The following CFAP54 variants were observed in gnomAD, a reference collection of about 807,000 sequenced individuals.
CFAP54 encodes cilia- and flagella-associated protein 54.
CFAP54 carries 290 observed loss-of-function variants against 370.4 expected under a neutral mutation model. The observed-to-expected ratio is 0.78, with a 90% CI of 0.71 to 0.86. The LOEUF (loss-of-function observed/expected upper bound fraction) is 0.86. Ranked by LOEUF, CFAP54 falls within the 40% of genes least tolerant of loss-of-function variation. The pLI is 0.00. For missense variants in CFAP54, 3,399 were observed against 3,528.7 expected, an observed-to-expected ratio of 0.96 and a Z score of 0.93; for synonymous variants, 1,206 against 1,236.5, an observed-to-expected ratio of 0.98 and a Z score of 0.52.
intron 38 of CFAP54, among the ~76,000 whole-genome samples, chr12:96,662,451 T>G (rs949473919): frequency 6.6e-6 from 1 of 152,128 alleles, no homozygotes; most frequent in African/African-American, 2.4e-5. Flanking sequence ...GTGATCCACC[T>G]GCCTTGGCCT....
intron 51 of CFAP54, 82 bp from the exon 52 acceptor site, chr12:96,742,357 T>G (rs922711948): frequency 2.9e-6 from 3 of 1,037,696 alleles, no homozygotes; most frequent in African/African-American, 3.3e-5. Context: ...AGATGCCTTT[T>G]AAACTTACAT....
chr12:96,720,938 T>G (rs1283180895), intron 50 of CFAP54, among the ~76,000 whole-genome samples: 2 of 151,864 alleles, frequency 1.3e-5, no homozygotes, highest in Non-Finnish European at 2.9e-5. Flanking sequence ...GAGAATCACT[T>G]GAGCCCGGGA....
intron 17 of CFAP54, chr12:96,555,083 T>G (rs1955738272): frequency 4.8e-6 from 1 of 209,694 alleles, no homozygotes; most frequent in Non-Finnish European, 9.5e-6. Flanking sequence ...AAGCAAACAT[T>G]TACTGAGTAC....
intron 50 of CFAP54, among the ~76,000 whole-genome samples, chr12:96,732,120 G>GTA (rs1178931809): frequency 1.3e-5 from 2 of 152,012 alleles, no homozygotes; most frequent in African/African-American, 4.8e-5. Flanking sequence ...TTGTGTGTGT[G>GTA]TGTGTGTGTG....
At chr12:96,762,571 G>C (rs42303) in intron 58 of CFAP54, among the ~76,000 whole-genome samples, 139,064 of 152,264 alleles carry the variant, frequency 0.91, 63,754 homozygotes, top group African/African-American at 0.98. Context: ...CCTTTCCATT[G>C]GAGTTGACTT....
intron 67 of CFAP54, among the ~76,000 whole-genome samples, chr12:96,862,397 T>G (rs947472495): frequency 6.6e-6 from 1 of 152,080 alleles, no homozygotes; most frequent in African/African-American, 2.4e-5. Flanking sequence ...AAACAAACTG[T>G]AAGGAGGAAC....
In CFAP54 at chr12:96,827,730, T is replaced by TTAATATAATTATATATAATTATATA. The variant is rs1459053073; in HGVS notation, c.9097-1265_9097-1264insTATATATAATATAATTATATATAAT. ...TATATATAATTATATATAATTATAT[T>TTAATATAATTATATATAATTATATA]TAATATAATTATATATAATACATAG... On this transcript the variant is annotated intron_variant, in intron 65 of 67. Transcript: ENST00000524981. 1.3e-3 allele frequency among the ~76,000 whole-genome samples: 159 copies of TTAATATAATTATATATAATTATATA among 119,836 alleles called. 2 individuals carry two copies. Among genetic ancestry groups the TTAATATAATTATATATAATTATATA allele is most frequent in the East Asian group, 2.7e-3 (12 of 4,368 alleles). 78.6% of individuals were successfully genotyped at this position (119,836 alleles called of 152,430 possible). A position where few individuals can be genotyped will look rare whatever the true frequency, so the allele number is the denominator to read the frequency against.
chr12:96,825,455 A>G (rs1330373033), intron 65 of CFAP54, among the ~76,000 whole-genome samples: 1 of 116,450 alleles, frequency 8.6e-6, no homozygotes, highest in Non-Finnish European at 1.6e-5. Flanking sequence ...TATATTATAT[A>G]TAATATAATA....
rs1373042149 is a variant in CFAP54 at position 96,817,811 on chromosome 12, T to C, written c.8994T>C (p.Ala2998=). The C allele has an allele frequency of 6.6e-7, 1 of 1,505,910 alleles. No homozygotes were observed. The highest frequency in any genetic ancestry group is 2.1e-5 in the Admixed American group (1 of 47,040). The allele number at this position is 1,505,910 out of a possible 1,614,324, so 93.3% of individuals were successfully genotyped here. A position where few individuals can be genotyped will look rare whatever the true frequency, so the allele number is the denominator to read the frequency against. Residue 2998 remains alanine (A), a synonymous_variant, in exon 65 of 68, where the codon GCT becomes GCC. Coordinates refer to ENST00000524981, the MANE Select transcript of CFAP54 (RefSeq NM_001306084.2). ...IAIHEKLSNL[A]QIAELSLPAA... ...TTCATGAGAAATTATCTAATCTTGC[T>C]CAAATAGCTGAACTATCATTGCCAG...
At chr12:96,573,244 T>C (rs1955941896) in intron 19 of CFAP54, among the ~76,000 whole-genome samples, 1 of 152,226 alleles carries the variant, frequency 6.6e-6, no homozygotes, top group South Asian at 2.1e-4. Flanking sequence ...ACCTGAAATA[T>C]CTTGGTCTCT....
intron 22 of CFAP54, among the ~76,000 whole-genome samples, chr12:96,581,457 T>C (rs1328730718): frequency 2.0e-5 from 3 of 152,104 alleles, no homozygotes; most frequent in African/African-American, 7.2e-5. Context: ...TGTCAATGTC[T>C]AGAGAAATTT....
chr12:96,532,708 C>A (rs919086067), intron 9 of CFAP54, among the ~76,000 whole-genome samples: 2 of 152,056 alleles, frequency 1.3e-5, no homozygotes, highest in Non-Finnish European at 2.9e-5. Context: ...GTAACCTGGA[C>A]CTCCTGGGCT....
chr12:96,691,207 G>C lies in CFAP54; in HGVS notation c.6161G>C (p.Gly2054Ala). Residue 2054 changes from glycine (G) to alanine (A), a missense_variant, in exon 44 of 68, where the codon GGC (glycine) becomes GCC (alanine). Transcript: ENST00000524981. ...TATGAAATCACTCAGCTTCTCCCAG[G>C]CATTGAACTCTTCTCAGATAGATAC... ...AQYEITQLLP[G>A]IELFSDRYRA... 6.2e-7 allele frequency: 1 copy of C among 1,613,434 alleles called. No individual in the cohort carries two copies.
At chr12:96,572,661 G>A (rs1955933758) in intron 19 of CFAP54, among the ~76,000 whole-genome samples, 5 of 152,102 alleles carry the variant, frequency 3.3e-5, no homozygotes, top group Admixed American at 3.3e-4. Flanking sequence ...AAGGCAGGAG[G>A]GAAAAGGAGA....
In CFAP54 at chr12:96,743,786, C is replaced by T. The variant is rs1311522490; in HGVS notation, c.7433C>T (p.Thr2478Ile). 9.3e-6 allele frequency: 15 copies of T among 1,613,668 alleles called. No individual in the cohort carries two copies. The highest frequency in any genetic ancestry group is 8.3e-5 in the Admixed American group (5 of 59,956). Residue 2478 changes from threonine to isoleucine, a missense_variant, in exon 54 of 68, where the codon ACC becomes ATC. Physicochemically the swap from Thr to Ile is moderately conservative, Grantham distance 89. Transcript: ENST00000524981. ...TTTATTTCTCCTCAATCACGGCTAA[C>T]CCTGGCAAGAAGCCTAGTTTTGCTG... The part of the protein sequence containing the change: ...NEFISPQSRL[T>I]LARSLVLLDD...
intron 3 of CFAP54, among the ~76,000 whole-genome samples, chr12:96,505,924 C>A (rs1955094876): frequency 6.6e-6 from 1 of 152,150 alleles, no homozygotes; most frequent in South Asian, 2.1e-4. Flanking sequence ...GTCTCTGTTG[C>A]CTAGCAGAGT....
At chr12:96,531,099 C>G (rs1955436727) in intron 9 of CFAP54, among the ~76,000 whole-genome samples, 2 of 152,020 alleles carry the variant, frequency 1.3e-5, no homozygotes, top group African/African-American at 4.8e-5. Flanking sequence ...ACAGAAAATA[C>G]CTTTATTAAG....
chr12:96,793,830 A>G (rs974140305), intron 63 of CFAP54, among the ~76,000 whole-genome samples: 11 of 151,776 alleles, frequency 7.2e-5, no homozygotes, highest in South Asian at 4.2e-4. Context: ...GCATTTTTTC[A>G]TGTTTGTTGG....
rs138358086 is a variant in CFAP54 at position 96,627,157 on chromosome 12, G to A, written c.4103+218G>A. Among the ~76,000 whole-genome samples, 318 of 152,258 alleles carry A rather than the reference G, an allele frequency of 2.1e-3. 9 individuals carry two copies. In the East Asian group the frequency reaches 0.05, roughly 24 times the overall value. On this transcript the variant is annotated intron_variant, in intron 30 of 67. Transcript: ENST00000524981. ...ACAAATGAGAATAGAGCATGTTCAG[G>A]TCTCTAGCTGGAAACAGATTAAGTC...
Sources: gnomAD v4.1 joint callset for allele counts (sites outside exome capture counted in the v4.1 genomes callset) on GRCh38, gnomAD v4.1.1 for gene constraint, MANE v1.5 for transcripts, NCBI Gene and HGNC (gene_info 2026-07-23, HGNC 2026-07-21) for gene names.